Variants in CDKAL1 observed in about 807,000 individuals in gnomAD.
The protein encoded by CDKAL1 is CDKAL1 threonylcarbamoyladenosine tRNA methylthiotransferase.
CDKAL1 carries 32 observed loss-of-function variants against 68.2 expected under a neutral mutation model. The ratio of observed to expected loss-of-function variants is 0.47; its 90% CI spans 0.35 to 0.63. The LOEUF (loss-of-function observed/expected upper bound fraction) is 0.63, where lower values mean the gene tolerates loss of function less well. CDKAL1 is among the 30% of genes least tolerant of loss of function. The probability of loss-of-function intolerance (pLI) is 0.00; values close to 1 mark genes in which losing one functional copy is unlikely to be tolerated. For missense variants in CDKAL1, 606 were observed against 696.7 expected (o/e 0.87, Z 1.47); for synonymous variants, 234 against 244.3 (o/e 0.96, Z 0.39).
intron 12 of CDKAL1, among the ~76,000 whole-genome samples, chr6:21,094,631 C>T (rs761425813): frequency 2.0e-5 from 3 of 152,128 alleles, no homozygotes; most frequent in Non-Finnish European, 4.4e-5. Flanking sequence ...ATAGAAAGAA[C>T]TTCTAAATTG....
chr6:20,627,818 A>G (rs1581851119), intron 4 of CDKAL1, among the ~76,000 whole-genome samples: 1 of 152,160 alleles, frequency 6.6e-6, no homozygotes, highest in African/African-American at 2.4e-5. Flanking sequence ...TTAGCTATAC[A>G]CCTAAGTATT....
At chr6:20,712,407 C>T (rs1394792029) in intron 5 of CDKAL1, among the ~76,000 whole-genome samples, 1 of 150,882 alleles carries the variant, frequency 6.6e-6, no homozygotes, top group Non-Finnish European at 1.5e-5. Context: ...TCTATAAGAG[C>T]ACAAAACTTA....
chr6:21,003,355 TATATATATATATATATACACACAC>T (rs1767537901), intron 11 of CDKAL1, among the ~76,000 whole-genome samples: 1 of 48,994 alleles, frequency 2.0e-5, no homozygotes, highest in African/African-American at 1.4e-4. Flanking sequence ...TATATATATA[TATATATATATATATATACACACAC>T]ACACACACAC....
chr6:20,777,342 G>T (rs1282652041), intron 7 of CDKAL1, among the ~76,000 whole-genome samples: 3 of 152,204 alleles, frequency 2.0e-5, no homozygotes, highest in Admixed American at 2.0e-4. Flanking sequence ...GCCAGGTGCA[G>T]TGACTCATAC....
At chr6:20,712,504 G>GAAAA (rs372310205) in intron 5 of CDKAL1, among the ~76,000 whole-genome samples, 1 of 100,568 alleles carries the variant, frequency 9.9e-6, no homozygotes, top group Admixed American at 1.1e-4. Context: ...TGATGTGTTA[G>GAAAA]AAAAAAAAAA....
chr6:20,551,904 T>C (rs1010713859), intron 4 of CDKAL1, among the ~76,000 whole-genome samples: 2 of 152,076 alleles, frequency 1.3e-5, no homozygotes, highest in African/African-American at 4.8e-5. Flanking sequence ...TTTATATTTA[T>C]TTATTTTTGA....
At chr6:21,131,472 T>C (rs866189900) in intron 13 of CDKAL1, among the ~76,000 whole-genome samples, 1 of 152,256 alleles carries the variant, frequency 6.6e-6, no homozygotes, top group Admixed American at 6.5e-5. Context: ...CATATTGTGA[T>C]GACAACTACT....
intron 8 of CDKAL1, among the ~76,000 whole-genome samples, chr6:20,814,528 C>T (rs562784643): frequency 4.6e-5 from 7 of 152,298 alleles, no homozygotes; most frequent in African/African-American, 1.2e-4. Flanking sequence ...GATCCACCTG[C>T]GTCTGCCTCC....
At chr6:20,854,914 A>G (rs1296081453) in intron 9 of CDKAL1, among the ~76,000 whole-genome samples, 1 of 152,238 alleles carries the variant, frequency 6.6e-6, no homozygotes, top group Non-Finnish European at 1.5e-5. Flanking sequence ...ATTGGAACAC[A>G]GGAAAGTTGG....
chr6:20,987,523 G>T lies in CDKAL1; in HGVS notation c.910-12704G>T, dbSNP rs557318573. ...GCCCACCTCAGCTTCCCAAAGTGCT[G>T]GGGGGTTATAAGCGTGAGACACCGT... On this transcript the variant is annotated intron_variant, in intron 10 of 15. Transcript: ENST00000274695. 9.1e-4 allele frequency among the ~76,000 whole-genome samples: 139 copies of T among 152,176 alleles called. 3 individuals carry two copies. In the South Asian group the frequency reaches 0.027, roughly 29 times the overall value.
chr6:20,643,782 G>A (rs1298420367), intron 4 of CDKAL1, among the ~76,000 whole-genome samples: 1 of 152,124 alleles, frequency 6.6e-6, no homozygotes, highest in African/African-American at 2.4e-5. Context: ...ACAGATATCT[G>A]TCTTGAATTC....
In CDKAL1 at chr6:20,613,073, TACAC is replaced by T. The variant is rs1201670153; in HGVS notation, c.287-36210_287-36207del. 4.7e-5 allele frequency among the ~76,000 whole-genome samples: 7 copies of T among 148,910 alleles called. 1 individual carries two copies. In the South Asian group the frequency reaches 1.1e-3, roughly 23 times the overall value. On this transcript the variant is annotated intron_variant, in intron 4 of 15. Coordinates refer to ENST00000274695, the MANE Select transcript of CDKAL1 (RefSeq NM_017774.3). ...GGGTATGGATTTATAAGAATAAATG[TACAC>T]ACACACACATATATATATACATACA...
chr6:20,550,734 A>G (rs912454079), intron 4 of CDKAL1, among the ~76,000 whole-genome samples: 1 of 152,066 alleles, frequency 6.6e-6, no homozygotes, highest in African/African-American at 2.4e-5. Context: ...TACTAAATGG[A>G]ACTATAATTC....
Position 20,753,957 on chromosome 6 carries a change from A to ATGTGTGTGTGTG in CDKAL1, c.469-4616_469-4605dup, listed in dbSNP as rs112105313. The stretch of plus-strand genomic sequence containing the variant: ...TTCACCAACACTCGTTATTATCTGT[A>ATGTGTGTGTGTG]TGTGTGTGTGTGTGTGTGTGTGTGT... On this transcript the variant is annotated intron_variant, in intron 6 of 15. Coordinates refer to ENST00000274695, the MANE Select transcript of CDKAL1 (RefSeq NM_017774.3). Among the ~76,000 whole-genome samples, 941 of 147,780 alleles carry ATGTGTGTGTGTG rather than the reference A, an allele frequency of 6.4e-3. 8 individuals carry two copies. The highest frequency in any genetic ancestry group is 0.041 in the East Asian group (200 of 4,932).
chr6:20,946,549 T>TA (rs1190796694), intron 9 of CDKAL1, among the ~76,000 whole-genome samples: 1 of 151,940 alleles, frequency 6.6e-6, no homozygotes, highest in Non-Finnish European at 1.5e-5. Flanking sequence ...ATTTTCAACT[T>TA]ACAATGGATT....
chr6:21,100,702 T>TC (rs1773538311), intron 12 of CDKAL1, among the ~76,000 whole-genome samples: 1 of 151,892 alleles, frequency 6.6e-6, no homozygotes, highest in Non-Finnish European at 1.5e-5. Context: ...TTGGGGTATT[T>TC]TTTTTATCAC....
At chr6:20,801,428 A>G (rs1776359536) in intron 8 of CDKAL1, among the ~76,000 whole-genome samples, 1 of 152,218 alleles carries the variant, frequency 6.6e-6, no homozygotes, top group Non-Finnish European at 1.5e-5. Flanking sequence ...GAAGATTGTT[A>G]TTAACATTTT....
intron 8 of CDKAL1, among the ~76,000 whole-genome samples, chr6:20,798,150 G>GA (rs1198790672): frequency 6.6e-6 from 1 of 151,944 alleles, no homozygotes; most frequent in Non-Finnish European, 1.5e-5. Context: ...TTTTCAAAAA[G>GA]AAAAAACTAT....
chr6:20,625,532 C>T (rs1243526538), intron 4 of CDKAL1, among the ~76,000 whole-genome samples: 1 of 152,076 alleles, frequency 6.6e-6, no homozygotes, highest in Non-Finnish European at 1.5e-5. Context: ...AAAATCAGTG[C>T]TTTCTGATGA....
Sources: allele counts gnomAD v4.1 joint callset (sites outside exome capture counted in the v4.1 genomes callset), GRCh38; gene constraint gnomAD v4.1.1; transcripts MANE v1.5; gene names NCBI Gene and HGNC (gene_info 2026-07-23, HGNC 2026-07-21).